The following RBFOX1 variants were observed in gnomAD, a reference collection of about 807,000 sequenced individuals.
RBFOX1 encodes RNA binding fox-1 homolog 1.
In RBFOX1, 8 loss-of-function variants were observed where a neutral mutation model predicts 57.7. The observed-to-expected ratio is 0.14, with a 90% CI of 0.08 to 0.25. RBFOX1 has a LOEUF of 0.25. RBFOX1 is among the 10% of genes least tolerant of loss of function. The pLI, the probability that RBFOX1 is intolerant of heterozygous loss-of-function variation, is 1.00. For missense variants in RBFOX1, 611 were observed against 548.5 expected (o/e 1.11, Z -1.14); for synonymous variants, 326 against 222.4 (o/e 1.47, Z -4.15).
chr16:5,984,481 A>G (rs1258463700), intron 4 of RBFOX1, among the ~76,000 whole-genome samples: 1 of 151,980 alleles, frequency 6.6e-6, no homozygotes, highest in East Asian at 1.9e-4. Context: ...GTGAACTGTC[A>G]AGTCCTGAGC....
chr16:6,350,089 A>G (rs2086040526), intron 2 of RBFOX1, among the ~76,000 whole-genome samples: 1 of 152,178 alleles, frequency 6.6e-6, no homozygotes, highest in Non-Finnish European at 1.5e-5. Flanking sequence ...GTGAAAAATC[A>G]TGCAATTGAT....
intron 1 of RBFOX1, among the ~76,000 whole-genome samples, chr16:5,392,128 G>A (rs1375368846): frequency 1.3e-5 from 2 of 149,638 alleles, no homozygotes; most frequent in Non-Finnish European, 2.9e-5. Flanking sequence ...TGGGGACTCA[G>A]GGGGAAAGGA....
rs2083506920 is a variant in RBFOX1, at chr16:6,794,252, C to T, written c.-16+139602C>T. Among the ~76,000 whole-genome samples, 6 of 148,628 alleles carry T rather than the reference C, an allele frequency of 4.0e-5. No homozygotes were observed. The Admixed American group carries it at 4.1e-4, about 10-fold the overall frequency. On this transcript the variant is annotated intron_variant, in intron 3 of 15. Transcript: ENST00000550418. ...CCTCTCAGAGCTCTTCACTTTGCTC[C>T]ATGTTGTGTGTTGTTTTCTTGTTCG...
chr16:6,121,003 C>T (rs1251662908), intron 1 of RBFOX1, among the ~76,000 whole-genome samples: 2 of 152,242 alleles, frequency 1.3e-5, no homozygotes. Flanking sequence ...CTTGATCTTA[C>T]ATGAATGCAT....
intron 2 of RBFOX1, among the ~76,000 whole-genome samples, chr16:6,533,500 C>A (rs2345020): frequency 0.022 from 3,297 of 152,118 alleles, 53 homozygotes; most frequent in Admixed American, 0.034. Flanking sequence ...TTGACACAGC[C>A]TCCAGGGATG....
chr16:7,116,136 T>G (rs924247688), intron 4 of RBFOX1, among the ~76,000 whole-genome samples: 4 of 152,204 alleles, frequency 2.6e-5, no homozygotes, highest in African/African-American at 9.7e-5. Flanking sequence ...CAATGGCTTC[T>G]GAAATTCTCT....
chr16:5,651,267 G>A (rs1180612826), intron 3 of RBFOX1, among the ~76,000 whole-genome samples: 3 of 151,854 alleles, frequency 2.0e-5, no homozygotes, highest in Non-Finnish European at 1.5e-5. Context: ...TGACCAGGCT[G>A]GTCTGGAACT....
chr16:7,022,000 C>CCCCT (rs2039345333), intron 3 of RBFOX1, among the ~76,000 whole-genome samples: 1 of 18,456 alleles, frequency 5.4e-5, no homozygotes, highest in African/African-American at 5.6e-4. Context: ...CCCCCTCCCC[C>CCCCT]TCTCCCTCCC....
chr16:5,495,473 A>T (rs951044785), intron 2 of RBFOX1, among the ~76,000 whole-genome samples: 2 of 152,190 alleles, frequency 1.3e-5, no homozygotes, highest in Non-Finnish European at 2.9e-5. Context: ...CACCTCCAAC[A>T]CTTGGGATCA....
At chr16:7,036,647 C>A (rs1418496905) in intron 3 of RBFOX1, among the ~76,000 whole-genome samples, 1 of 151,474 alleles carries the variant, frequency 6.6e-6, no homozygotes, top group Non-Finnish European at 1.5e-5. Flanking sequence ...GAACCGAAAT[C>A]GTGCCACTGC....
At chr16:6,590,285 G>C (rs374993210) in intron 2 of RBFOX1, among the ~76,000 whole-genome samples, 2 of 152,096 alleles carry the variant, frequency 1.3e-5, no homozygotes, top group African/African-American at 4.8e-5. Context: ...CCCCATTTCA[G>C]ACTAAGAAAG....
chr16:6,849,621 A>G (rs2093957604), intron 3 of RBFOX1, among the ~76,000 whole-genome samples: 1 of 152,226 alleles, frequency 6.6e-6, no homozygotes, highest in African/African-American at 2.4e-5. Context: ...GTGAGCTGAG[A>G]TTGTACCACT....
At chr16:5,497,547 C>T (rs1384293810) in intron 2 of RBFOX1, among the ~76,000 whole-genome samples, 2 of 148,830 alleles carry the variant, frequency 1.3e-5, no homozygotes, top group African/African-American at 5.0e-5. Flanking sequence ...GGGTGAGAGG[C>T]GGGTGAATCA....
intron 4 of RBFOX1, among the ~76,000 whole-genome samples, chr16:7,251,462 G>C (rs2094497405): frequency 6.7e-6 from 1 of 150,214 alleles, no homozygotes; most frequent in Non-Finnish European, 1.5e-5. Context: ...CCAGGCTGGA[G>C]TGCAGTGGCG....
chr16:7,058,105 T>G (rs1000939498), intron 4 of RBFOX1, among the ~76,000 whole-genome samples: 1 of 151,974 alleles, frequency 6.6e-6, no homozygotes, highest in Admixed American at 6.6e-5. Context: ...AAAATACATG[T>G]GCTACCACCA....
intron 2 of RBFOX1, among the ~76,000 whole-genome samples, chr16:6,646,925 T>C (rs905194134): frequency 1.3e-5 from 2 of 152,164 alleles, no homozygotes; most frequent in South Asian, 4.1e-4. Context: ...GTACACATGA[T>C]CCCACGTCCT....
At chr16:6,902,342 G>T (rs1259494817) in intron 3 of RBFOX1, among the ~76,000 whole-genome samples, 1 of 152,168 alleles carries the variant, frequency 6.6e-6, no homozygotes, top group African/African-American at 2.4e-5. Context: ...GCAAAACTCT[G>T]TTAGTAATTT....
intron 1 of RBFOX1, among the ~76,000 whole-genome samples, chr16:5,306,438 G>A (rs2063936335): frequency 6.6e-6 from 1 of 151,886 alleles, no homozygotes; most frequent in African/African-American, 2.4e-5. Flanking sequence ...TCCTGCCTCA[G>A]CCTTCTAAAT....
chr16:5,288,109 T>C lies in RBFOX1; in HGVS notation c.219+48004T>C, dbSNP rs558269985. Among the ~76,000 whole-genome samples, 22 of 152,340 alleles carry C rather than the reference T, an allele frequency of 1.4e-4. No homozygotes were observed. In the South Asian group the frequency reaches 4.1e-3, roughly 29 times the overall value. ...CATTGGTCATGGCTGACTTGCTTTG[T>C]CCTGCGTCCCCAAGGGACAATGATT... On this transcript the variant is annotated intron_variant, in intron 1 of 2. Coordinates refer to the RBFOX1 transcript ENST00000585867.
Sources: allele counts gnomAD v4.1 joint callset (sites outside exome capture counted in the v4.1 genomes callset), GRCh38; gene constraint gnomAD v4.1.1; transcripts MANE v1.5; gene names NCBI Gene and HGNC (gene_info 2026-07-23, HGNC 2026-07-21).